The following ZCWPW2 variants were observed in gnomAD, a reference collection of about 807,000 sequenced individuals.
ZCWPW2 encodes zinc finger CW-type and PWWP domain containing 2, also known as zinc finger CW-type PWWP domain protein 2.
Under a neutral mutation model 46.6 loss-of-function variants are expected in ZCWPW2, and 45 were observed. That is an observed-to-expected ratio of 0.96 (90% CI 0.76 to 1.24). The LOEUF is 1.24. Among genes scored for constraint, ZCWPW2 ranks in the 50% most tolerant of loss-of-function variants. The probability of loss-of-function intolerance (pLI) is 0.00; values close to 1 mark genes in which losing one functional copy is unlikely to be tolerated. For synonymous variants in ZCWPW2, 152 were observed against 137.1 expected (o/e 1.11, Z -0.76); for missense variants, 429 against 403.9 (o/e 1.06, Z -0.53).
chr3:28,430,107 A>G (rs970484702), intron 3 of ZCWPW2, among the ~76,000 whole-genome samples: 3 of 152,196 alleles, frequency 2.0e-5, no homozygotes, highest in Admixed American at 1.3e-4. Flanking sequence ...TGGTAGATCC[A>G]CTGACAGCTT....
intron 2 of ZCWPW2, 86 bp downstream of exon 2, chr3:28,390,703 A>G (rs1695452967): frequency 1.1e-6 from 1 of 940,790 alleles, no homozygotes; most frequent in Non-Finnish European, 1.3e-6. Context: ...CATATATGCA[A>G]TTTTAAAATG....
chr3:28,468,189 T>A (rs1212634945), intron 4 of ZCWPW2, among the ~76,000 whole-genome samples: 1 of 151,796 alleles, frequency 6.6e-6, no homozygotes, highest in Non-Finnish European at 1.5e-5. Flanking sequence ...GAAGAAAGCA[T>A]CAGAGTCTCA....
intron 2 of ZCWPW2, among the ~76,000 whole-genome samples, chr3:28,405,727 G>C (rs1439832851): frequency 6.6e-6 from 1 of 152,146 alleles, no homozygotes; most frequent in Non-Finnish European, 1.5e-5. Flanking sequence ...GCCTGCCTCA[G>C]CCTCCCAAAG....
chr3:28,417,491 G>A (rs1295744618), intron 3 of ZCWPW2, among the ~76,000 whole-genome samples: 1 of 152,118 alleles, frequency 6.6e-6, no homozygotes, highest in Admixed American at 6.5e-5. Flanking sequence ...TAGAAAAAGA[G>A]GGAATCTTCC....
chr3:28,516,850 TA>T (rs58592559), intron 8 of ZCWPW2, among the ~76,000 whole-genome samples: 4,460 of 138,058 alleles, frequency 0.032, 184 homozygotes, highest in African/African-American at 0.1. Flanking sequence ...CTACTAAAAT[TA>T]AAAAAAAAAA....
intron 9 of ZCWPW2, among the ~76,000 whole-genome samples, chr3:28,524,133 T>C (rs997086267): frequency 1.3e-5 from 2 of 152,018 alleles, no homozygotes; most frequent in African/African-American, 4.8e-5. Flanking sequence ...TTATCACTAT[T>C]TTTAAGTAAT....
chr3:28,430,868 G>T (rs1273029551), intron 3 of ZCWPW2, among the ~76,000 whole-genome samples: 2 of 152,154 alleles, frequency 1.3e-5, no homozygotes, highest in African/African-American at 4.8e-5. Flanking sequence ...CTTCTGCCAT[G>T]ATTGTAAGTT....
rs530362330 is a variant in ZCWPW2 at position 28,349,728 on chromosome 3, CAAAT to C, written c.-134+529_-134+532del. Among the ~76,000 whole-genome samples the C allele has an allele frequency of 2.3e-3, 350 of 152,178 alleles. 2 individuals carry two copies. Among genetic ancestry groups the C allele is most frequent in the Admixed American group, 4.6e-3 (71 of 15,282 alleles). On this transcript the variant is annotated intron_variant, in intron 1 of 9. Transcript: ENST00000383768. ...TCTAAGGTATTATTGGTTAAATAAA[CAAAT>C]AAACAAGGAACAATAATTATAGAAA...
intron 3 of ZCWPW2, among the ~76,000 whole-genome samples, chr3:28,430,847 G>A (rs1575124860): frequency 6.6e-6 from 1 of 152,082 alleles, no homozygotes; most frequent in Admixed American, 6.6e-5. Flanking sequence ...AGAAGGACAT[G>A]TTTGCTACCC....
intron 7 of ZCWPW2, among the ~76,000 whole-genome samples, chr3:28,514,446 A>G (rs1700510693): frequency 6.6e-6 from 1 of 152,204 alleles, no homozygotes; most frequent in Non-Finnish European, 1.5e-5. Flanking sequence ...CATGAAATGC[A>G]AAGCTATTAG....
intron 2 of ZCWPW2, among the ~76,000 whole-genome samples, chr3:28,406,783 T>G (rs995528743): frequency 6.6e-6 from 1 of 151,954 alleles, no homozygotes; most frequent in Non-Finnish European, 1.5e-5. Context: ...TTTTGTACGT[T>G]ACATGCATGC....
In ZCWPW2 at chr3:28,456,800, G is replaced by A. The variant is rs530446985; in HGVS notation, c.492+21531G>A. ...ATTGATTTGCATATGTTGAACCAACGTTGCATCCTGGGGATGAAGCCAACT... is the reference window on the plus strand; with the variant it reads ...ATTGATTTGCATATGTTGAACCAACATTGCATCCTGGGGATGAAGCCAACT... On this transcript the variant is annotated intron_variant, in intron 4 of 9. Coordinates refer to ENST00000383768, the MANE Select transcript of ZCWPW2 (RefSeq NM_001040432.4). Among the ~76,000 whole-genome samples, 17 of 152,220 alleles carry A rather than the reference G, an allele frequency of 1.1e-4. No individual in the cohort carries two copies. The South Asian group carries it at 1.2e-3, about 11-fold the overall frequency.
chr3:28,502,779 G>C (rs1402308449), intron 6 of ZCWPW2, among the ~76,000 whole-genome samples: 2 of 152,136 alleles, frequency 1.3e-5, no homozygotes, highest in African/African-American at 2.4e-5. Flanking sequence ...GAAAGTAGAA[G>C]TGGAGAGGGG....
chr3:28,356,396 A>G (rs538968761), intron 1 of ZCWPW2, among the ~76,000 whole-genome samples: 3 of 152,340 alleles, frequency 2.0e-5, no homozygotes, highest in South Asian at 2.1e-4. Flanking sequence ...ACACTTTTAC[A>G]CTGTTGGTGG....
intron 2 of ZCWPW2, among the ~76,000 whole-genome samples, chr3:28,403,197 A>G (rs534844854): frequency 6.6e-6 from 1 of 152,180 alleles, no homozygotes; most frequent in Non-Finnish European, 1.5e-5. Flanking sequence ...TAACTCAGCT[A>G]AGTTTCAGGA....
chr3:28,374,911 A>T (rs2049559544), intron 1 of ZCWPW2, among the ~76,000 whole-genome samples: 1 of 151,978 alleles, frequency 6.6e-6, no homozygotes, highest in Admixed American at 6.6e-5. Context: ...TGTTACCAAG[A>T]GTGAGGTGTT....
chr3:28,502,236 A>G (rs912357590), intron 6 of ZCWPW2, among the ~76,000 whole-genome samples: 1 of 152,078 alleles, frequency 6.6e-6, no homozygotes, highest in African/African-American at 2.4e-5. Flanking sequence ...ATAGGATAAC[A>G]ATTAGTAGTA....
At chr3:28,515,678 T>G in intron 8 of ZCWPW2, 57 bp downstream of exon 8, 1 of 1,486,990 alleles carries the variant, frequency 6.7e-7, no homozygotes, top group South Asian at 1.2e-5. Flanking sequence ...TTCCACAGAA[T>G]GTAGTTGTAG....
intron 1 of ZCWPW2, among the ~76,000 whole-genome samples, chr3:28,358,109 G>GTT (rs899107285): frequency 8.6e-5 from 13 of 151,868 alleles, no homozygotes; most frequent in African/African-American, 2.9e-4. Context: ...TGTTCACCTA[G>GTT]TTTTATGGGT....
Sources: allele counts gnomAD v4.1 joint callset (sites outside exome capture counted in the v4.1 genomes callset), GRCh38; gene constraint gnomAD v4.1.1; transcripts MANE v1.5; gene names NCBI Gene and HGNC (gene_info 2026-07-23, HGNC 2026-07-21).